Variants in STK32C observed in about 807,000 individuals in gnomAD.
STK32C encodes the protein serine/threonine kinase 32C, also known as serine/threonine-protein kinase 32C.
A neutral mutation model predicts 56.5 loss-of-function variants in STK32C; 31 were observed. The ratio of observed to expected loss-of-function variants is 0.55; its 90% confidence interval spans 0.41 to 0.74. STK32C has a LOEUF of 0.74. Ranked by LOEUF, STK32C falls within the 30% of genes least tolerant of loss-of-function variation. STK32C has a pLI of 0.00. For synonymous variants in STK32C, 309 were observed against 289.4 expected (o/e 1.07, Z -0.69); for missense variants, 544 against 676.9 (o/e 0.80, Z 2.18).
chr10:132,293,228 C>T lies in STK32C; in HGVS notation c.262+14344G>A, dbSNP rs148767722. Among the ~76,000 whole-genome samples the T allele has an allele frequency of 6.6e-3, 1,007 of 152,242 alleles. 17 individuals carry two copies. The highest frequency in any genetic ancestry group is 0.023 in the African/African-American group (941 of 41,536). ...GCTGAGAGGAGGATGGAGTGGCCAT[C>T]GCTACTCTCACGGTCCCTCCACCCA... is the stretch of plus-strand genomic sequence containing the variant. On this transcript the variant is annotated intron_variant, in intron 1 of 11. Coordinates refer to ENST00000298630, the MANE Select transcript of STK32C (RefSeq NM_173575.4).
At chr10:132,319,819 T>TC (rs2066370095), downstream of STK32C, among the ~76,000 whole-genome samples, 1 of 152,140 alleles carries the variant, frequency 6.6e-6, no homozygotes, top group Non-Finnish European at 1.5e-5. Context: ...GGTTTTTTTT[T>TC]CCCCTTCCTT....
intron 1 of STK32C, among the ~76,000 whole-genome samples, chr10:132,270,653 G>A (rs959495479): frequency 6.6e-6 from 1 of 152,208 alleles, no homozygotes; most frequent in African/African-American, 2.4e-5. Flanking sequence ...TTATTTGCTA[G>A]TGCTGCCTTG....
chr10:132,318,275 AAGAG>A (rs1206387801), intron 1 of STK32C, among the ~76,000 whole-genome samples: 3 of 150,490 alleles, frequency 2.0e-5, no homozygotes, highest in East Asian at 3.9e-4. Context: ...CTCAAAAAAA[AAGAG>A]AGAGAGAGAG....
chr10:132,323,198 T>C (rs2066441984), downstream of STK32C, among the ~76,000 whole-genome samples: 1 of 152,216 alleles, frequency 6.6e-6, no homozygotes, highest in Non-Finnish European at 1.5e-5. The surrounding 1 kb of genome is among the most constrained non-coding windows in gnomAD (Gnocchi z 4.8). Context: ...ACAATAGGCT[T>C]ACCATGTAAT....
chr10:132,300,436 G>A (rs544160554), intron 1 of STK32C, among the ~76,000 whole-genome samples: 1 of 152,158 alleles, frequency 6.6e-6, no homozygotes, highest in Non-Finnish European at 1.5e-5. Context: ...ATCTGGGGGG[G>A]ACAAAGCCAG....
At chr10:132,291,049 TG>T (rs1297714686) in intron 1 of STK32C, among the ~76,000 whole-genome samples, 1 of 152,246 alleles carries the variant, frequency 6.6e-6, no homozygotes, top group Non-Finnish European at 1.5e-5. Flanking sequence ...CCCTCATGGC[TG>T]TGGGACCTCA....
intron 1 of STK32C, among the ~76,000 whole-genome samples, chr10:132,300,048 A>G (rs2138361293): frequency 6.6e-6 from 1 of 152,380 alleles, no homozygotes; most frequent in East Asian, 1.9e-4. Context: ...CCAAGGCCCC[A>G]GAATGCGTGC....
chr10:132,254,757 G>A (rs1330261335), intron 1 of STK32C, among the ~76,000 whole-genome samples: 1 of 150,272 alleles, frequency 6.7e-6, no homozygotes, highest in Admixed American at 6.6e-5. Context: ...CAGGGCGCCG[G>A]GAATCAGCAC....
At chr10:132,236,328 T>C (rs1265100130) in intron 2 of STK32C, among the ~76,000 whole-genome samples, 1 of 152,224 alleles carries the variant, frequency 6.6e-6, no homozygotes, top group East Asian at 1.9e-4. Context: ...CCCGCGGTCC[T>C]GGATGCCACA....
At chr10:132,254,024 T>G (rs2064014342) in intron 1 of STK32C, among the ~76,000 whole-genome samples, 1 of 152,204 alleles carries the variant, frequency 6.6e-6, no homozygotes, top group South Asian at 2.1e-4. Flanking sequence ...ACCTAGTCTT[T>G]TCAGGCAGGG....
At chr10:132,229,689 C>T (rs900452508) in intron 2 of STK32C, among the ~76,000 whole-genome samples, 1 of 152,192 alleles carries the variant, frequency 6.6e-6, no homozygotes, top group African/African-American at 2.4e-5. Flanking sequence ...ATCCTGGCTC[C>T]GGGGCCCTTA....
chr10:132,242,220 G>C (rs1440159905), intron 2 of STK32C, among the ~76,000 whole-genome samples: 1 of 152,200 alleles, frequency 6.6e-6, no homozygotes, highest in African/African-American at 2.4e-5. Flanking sequence ...CATGTATGGG[G>C]GCCAGGGGCT....
intron 2 of STK32C, among the ~76,000 whole-genome samples, chr10:132,241,595 G>A (rs903473653): frequency 2.6e-5 from 4 of 152,134 alleles, no homozygotes; most frequent in South Asian, 2.1e-4. Flanking sequence ...GGTTACTTTC[G>A]ACCTTGACAA....
At position 132,225,266 on chromosome 10, in the gene STK32C, C is replaced by A. The variant is rs56324576; in HGVS notation, c.843G>T (p.Val281=). 4.3e-6 allele frequency: 7 copies of A among 1,611,708 alleles called. No homozygotes were observed. The African/African-American group carries it at 9.3e-5, about 21-fold the overall frequency. The change falls in exon 7 of 12, where the codon GTG becomes GTT. Residue 281 remains valine (V), a synonymous_variant. Coordinates refer to ENST00000298630, the MANE Select transcript of STK32C (RefSeq NM_173575.4). The part of the protein sequence containing the change: ...GYSFEVDWWS[V]GVMAYELLRG... The stretch of plus-strand genomic sequence containing the variant: ...GCAGCAGCTCATAGGCCATCACCCC[C>A]ACCGACCACCAGTCCACCTCGAAGG...
chr10:132,211,644 C>T (rs909772367), intron 10 of STK32C, among the ~76,000 whole-genome samples: 12 of 152,236 alleles, frequency 7.9e-5, no homozygotes, highest in African/African-American at 2.9e-4. Flanking sequence ...CCCTGCTCTT[C>T]CTCTGACAGC....
chr10:132,219,183 T>C (rs983144966), intron 10 of STK32C, among the ~76,000 whole-genome samples: 12 of 152,248 alleles, frequency 7.9e-5, no homozygotes, highest in Non-Finnish European at 1.0e-4. Context: ...ATGCTTTACA[T>C]GGATGCACTG....
intron 1 of STK32C, among the ~76,000 whole-genome samples, chr10:132,260,930 C>T (rs7901796): frequency 0.35 from 52,000 of 150,670 alleles, 9,459 homozygotes; most frequent in Admixed American, 0.46. Context: ...CCCGTCAGGA[C>T]GCTCATGCGG....
intron 1 of STK32C, among the ~76,000 whole-genome samples, chr10:132,276,049 C>T (rs547168488): frequency 7.9e-5 from 12 of 152,264 alleles, no homozygotes; most frequent in African/African-American, 1.9e-4. Flanking sequence ...GGCTGCCACC[C>T]GGTGACGCCA....
intron 2 of STK32C, among the ~76,000 whole-genome samples, chr10:132,228,705 G>A (rs75733476): frequency 0.027 from 4,128 of 152,300 alleles, 193 homozygotes; most frequent in African/African-American, 0.094. Context: ...GAATGAATGC[G>A]AAAACCCACT....
Sources: gnomAD v4.1 joint callset for allele counts (sites outside exome capture counted in the v4.1 genomes callset) on GRCh38, gnomAD v4.1.1 for gene constraint, Gnocchi (gnomAD v3.1) non-coding constraint, MANE v1.5 for transcripts, NCBI Gene and HGNC (gene_info 2026-07-23, HGNC 2026-07-21) for gene names.